The following SYT14 variants were observed in gnomAD, a reference collection of about 807,000 sequenced individuals.
The protein encoded by SYT14 is synaptotagmin 14.
SYT14 carries 32 observed loss-of-function variants against 74.2 expected under a neutral mutation model. The ratio of observed to expected loss-of-function variants is 0.43; its 90% CI spans 0.33 to 0.58. SYT14 has a LOEUF of 0.58. Ranked by LOEUF, SYT14 falls within the 20% of genes least tolerant of loss-of-function variation. The pLI, the probability that SYT14 is intolerant of heterozygous loss-of-function variation, is 0.05. For synonymous variants in SYT14, 298 were observed against 337.7 expected (o/e 0.88, Z 1.29); for missense variants, 791 against 981.8 (o/e 0.81, Z 2.60).
At chr1:210,106,027 T>C (rs140263316) in intron 7 of SYT14, among the ~76,000 whole-genome samples, 2 of 152,264 alleles carry the variant, frequency 1.3e-5, no homozygotes, top group African/African-American at 4.8e-5. Flanking sequence ...ATTGCCCAGG[T>C]ATGTCTTTTT....
chr1:209,961,845 T>A (rs921720837), intron 2 of SYT14, among the ~76,000 whole-genome samples: 3 of 152,126 alleles, frequency 2.0e-5, no homozygotes, highest in Non-Finnish European at 4.4e-5. Context: ...GAGTTACTAA[T>A]GTTAGCCTTC....
chr1:210,094,701 A>C (rs950678463), intron 6 of SYT14, 108 bp downstream of exon 5: 2 of 1,251,318 alleles, frequency 1.6e-6, no homozygotes, highest in Non-Finnish European at 2.3e-6. Flanking sequence ...ATTCCTTTGT[A>C]ACTTATAGTA....
chr1:210,005,007 T>C (rs912060638), intron 2 of SYT14, among the ~76,000 whole-genome samples: 6 of 152,002 alleles, frequency 3.9e-5, no homozygotes, highest in Non-Finnish European at 8.8e-5. Flanking sequence ...TGTTGAGCTC[T>C]TGTCATCACT....
chr1:210,048,166 C>T (rs2080921660), intron 5 of SYT14, among the ~76,000 whole-genome samples: 1 of 152,092 alleles, frequency 6.6e-6, no homozygotes, highest in Admixed American at 6.5e-5. Flanking sequence ...TATTGATACT[C>T]ATAGATTCTT....
chr1:209,944,323 C>T (rs1490168352), intron 1 of SYT14, among the ~76,000 whole-genome samples: 1 of 152,010 alleles, frequency 6.6e-6, no homozygotes, highest in Non-Finnish European at 1.5e-5. Flanking sequence ...ATTGACTAAA[C>T]GGATTGAATT....
intron 5 of SYT14, among the ~76,000 whole-genome samples, chr1:210,054,241 A>G (rs569525845): frequency 3.3e-5 from 5 of 152,170 alleles, no homozygotes; most frequent in Non-Finnish European, 7.3e-5. Flanking sequence ...GATGTAAAAA[A>G]AAATTGAATC....
chr1:210,095,182 TA>T (rs545236105), intron 6 of SYT14, among the ~76,000 whole-genome samples: 142 of 152,340 alleles, frequency 9.3e-4, no homozygotes, highest in African/African-American at 3.2e-3. Flanking sequence ...TACTGTATTC[TA>T]AAAAGAATTT....
intron 7 of SYT14, among the ~76,000 whole-genome samples, chr1:210,151,504 G>C (rs1572385623): frequency 2.5e-5 from 3 of 120,048 alleles, no homozygotes; most frequent in Admixed American, 8.0e-5. Flanking sequence ...ATAGGCGAAT[G>C]CCCCCCCCCT....
chr1:209,966,471 A>G (rs1338356835), intron 2 of SYT14, among the ~76,000 whole-genome samples: 1 of 152,228 alleles, frequency 6.6e-6, no homozygotes, highest in East Asian at 1.9e-4. Context: ...CTACAGATCC[A>G]TGAACCTAGT....
chr1:209,991,756 G>A (rs2079690713), intron 2 of SYT14, among the ~76,000 whole-genome samples: 1 of 151,942 alleles, frequency 6.6e-6, no homozygotes, highest in Non-Finnish European at 1.5e-5. Context: ...CTTGAACCTA[G>A]GAGGCAGAGG....
intron 2 of SYT14, among the ~76,000 whole-genome samples, chr1:209,974,424 AC>A (rs1468780956): frequency 6.6e-6 from 1 of 152,174 alleles, no homozygotes; most frequent in Non-Finnish European, 1.5e-5. Flanking sequence ...TCAGCTTTCT[AC>A]ATATGGCTAG....
At chr1:209,969,254 G>C (rs1176441427) in intron 2 of SYT14, among the ~76,000 whole-genome samples, 1 of 151,976 alleles carries the variant, frequency 6.6e-6, no homozygotes, top group Non-Finnish European at 1.5e-5. Flanking sequence ...TTCTTTTGGA[G>C]ATACCTGGTA....
intron 7 of SYT14, among the ~76,000 whole-genome samples, chr1:210,106,941 AT>A (rs2102565722): frequency 6.6e-6 from 1 of 152,366 alleles, no homozygotes; most frequent in East Asian, 1.9e-4. Context: ...AGCCTGTGAA[AT>A]AAAAAGCAAG....
At chr1:210,082,974 A>C (rs940168401) in intron 5 of SYT14, among the ~76,000 whole-genome samples, 13 of 150,850 alleles carry the variant, frequency 8.6e-5, no homozygotes, top group African/African-American at 2.9e-4. Flanking sequence ...GTAATGGGTT[A>C]TTTCTTTTTT....
rs531705701 is a variant in SYT14, at chr1:210,066,549, C to T, written c.1313-27773C>T. Among the ~76,000 whole-genome samples, 223 of 152,188 alleles carry T rather than the reference C, an allele frequency of 1.5e-3. 1 individual carries two copies. The highest frequency in any genetic ancestry group is 5.1e-3 in the African/African-American group (212 of 41,532). Reference sequence around the variant, plus strand: ...TCTTTTGAGAAGTGTCTGTTCATATCCTTCGCTCACTTTTTGATGGGGTTG... The same window carrying T: ...TCTTTTGAGAAGTGTCTGTTCATATTCTTCGCTCACTTTTTGATGGGGTTG... On this transcript the variant is annotated intron_variant, in intron 5 of 9. Coordinates refer to ENST00000637265, the Ensembl canonical transcript of SYT14.
At chr1:210,111,887 T>C (rs2082269408) in intron 7 of SYT14, among the ~76,000 whole-genome samples, 1 of 151,238 alleles carries the variant, frequency 6.6e-6, no homozygotes, top group African/African-American at 2.5e-5. Context: ...TAGTCCTCCT[T>C]TTTAAGTTGG....
chr1:210,005,176 T>C (rs540205923), intron 2 of SYT14, among the ~76,000 whole-genome samples: 2 of 152,122 alleles, frequency 1.3e-5, no homozygotes, highest in South Asian at 4.1e-4. Flanking sequence ...TCAAAATGGA[T>C]CAGGCTTAGT....
intron 7 of SYT14, among the ~76,000 whole-genome samples, chr1:210,147,825 T>C (rs761365332): frequency 9.2e-5 from 14 of 151,966 alleles, no homozygotes; most frequent in Admixed American, 3.3e-4. Flanking sequence ...ATAAGGCTCA[T>C]TGGGAATGTG....
intron 7 of SYT14, among the ~76,000 whole-genome samples, chr1:210,118,406 A>G (rs1399393045): frequency 2.6e-5 from 4 of 152,014 alleles, no homozygotes; most frequent in Admixed American, 6.6e-5. Flanking sequence ...GAAATTATAT[A>G]TATTTAAGGA....
Sources: allele counts gnomAD v4.1 joint callset (sites outside exome capture counted in the v4.1 genomes callset), GRCh38; gene constraint gnomAD v4.1.1; transcripts MANE v1.5; gene names NCBI Gene and HGNC (gene_info 2026-07-23, HGNC 2026-07-21).